CATSPERB: variants seen among roughly 807,000 people sequenced by gnomAD.
CATSPERB encodes the protein cation channel sperm-associated auxiliary subunit beta.
Under a neutral mutation model 128.3 loss-of-function variants are expected in CATSPERB, and 93 were observed. The observed-to-expected ratio is 0.72, with a 90% CI of 0.61 to 0.86. The LOEUF (loss-of-function observed/expected upper bound fraction) is 0.86. Ranked by LOEUF, CATSPERB falls within the 40% of genes least tolerant of loss-of-function variation. CATSPERB has a pLI of 0.00. For missense variants in CATSPERB, 1,153 were observed against 1,329.5 expected (o/e 0.87, Z 2.06); for synonymous variants, 381 against 448.8 (o/e 0.85, Z 1.91).
intron 11 of CATSPERB, among the ~76,000 whole-genome samples, chr14:91,682,070 G>T (rs1895290689): frequency 6.6e-6 from 1 of 152,138 alleles, no homozygotes; most frequent in Non-Finnish European, 1.5e-5. Flanking sequence ...CTCCAGAATA[G>T]AACAGACTGC....
rs545183199 is a variant in CATSPERB at position 91,638,987 on chromosome 14, T to A, written c.1587+109A>T. ...AGTTAAATAGAGCAAACTGCATTAATGAGTTTGTCCCAAGGAAAATACTTT... is the reference window on the plus strand; with the variant it reads ...AGTTAAATAGAGCAAACTGCATTAAAGAGTTTGTCCCAAGGAAAATACTTT... On this transcript the variant is annotated intron_variant, in intron 16 of 26. Transcript: ENST00000256343. 42 of 946,298 alleles carry A rather than the reference T, an allele frequency of 4.4e-5. 1 individual carries two copies. The South Asian group carries it at 6.6e-4, about 15-fold the overall frequency. 58.6% of individuals were successfully genotyped at this position (946,298 alleles called of 1,614,324 possible).
intron 14 of CATSPERB, among the ~76,000 whole-genome samples, chr14:91,663,842 T>C (rs1480429963): frequency 2.6e-5 from 4 of 152,132 alleles, no homozygotes; most frequent in Admixed American, 6.5e-5. Context: ...TACAGTTCAG[T>C]AGTGTTACGT....
chr14:91,622,006 C>T, intron 18 of CATSPERB, 69 bp from the exon 19 acceptor site: 3 of 1,013,816 alleles, frequency 3.0e-6, no homozygotes, highest in South Asian at 1.7e-5. Flanking sequence ...AACTGATGTA[C>T]ATAGCTAACA....
chr14:91,610,413 T>A, intron 21 of CATSPERB, 67 bp downstream of exon 21: 1 of 1,267,776 alleles, frequency 7.9e-7, no homozygotes, highest in Admixed American at 2.0e-5. Flanking sequence ...ACTGAATGGG[T>A]AGGCAATCAC....
intron 14 of CATSPERB, among the ~76,000 whole-genome samples, chr14:91,664,987 T>G (rs982741363): frequency 2.0e-5 from 3 of 152,156 alleles, no homozygotes; most frequent in Admixed American, 2.0e-4. Context: ...CCTCCCAGGC[T>G]CAAGGAAACC....
At position 91,598,856 on chromosome 14, in the gene CATSPERB, T is replaced by TTA. The variant is rs1893558293; in HGVS notation, c.2710-6855_2710-6854insTA. Among the ~76,000 whole-genome samples the TTA allele has an allele frequency of 7.7e-4, 9 of 11,704 alleles. No individual in the cohort carries two copies. In the East Asian group the frequency reaches 0.026, roughly 34 times the overall value. The allele number at this position is 11,704 out of a possible 152,430, so 7.7% of individuals were successfully genotyped here. ...CTGGGCAACAGAGCAAGACTCTGTC[T>TTA]CAAAAAAAAAAAAAAAAAAAGGAAA... On this transcript the variant is annotated intron_variant, in intron 22 of 26. Transcript: ENST00000256343.
rs760788851 is a variant in CATSPERB at position 91,610,466 on chromosome 14, A to AT, written c.2598+13dup. 28,971 of 1,013,204 alleles carry AT rather than the reference A, an allele frequency of 0.029. No individual in the cohort carries two copies. The highest frequency in any genetic ancestry group is 0.036 in the South Asian group (1,963 of 53,972). The allele number at this position is 1,013,204 out of a possible 1,614,324, so 62.8% of individuals were successfully genotyped here. A position where few individuals can be genotyped will look rare whatever the true frequency, so the allele number is the denominator to read the frequency against. Reference sequence around the variant, plus strand: ...TTGCTTCTTAAACCAATATACTTAGATTTTTTTTTTTACCGGCAAAGTTTT... The same window carrying AT: ...TTGCTTCTTAAACCAATATACTTAGATTTTTTTTTTTTACCGGCAAAGTTTT... On this transcript the variant is annotated intron_variant, in intron 21 of 26. Coordinates refer to ENST00000256343, the MANE Select transcript of CATSPERB (RefSeq NM_024764.4).
intron 10 of CATSPERB, among the ~76,000 whole-genome samples, chr14:91,690,819 T>C (rs1339050562): frequency 2.0e-5 from 3 of 152,240 alleles, no homozygotes; most frequent in Non-Finnish European, 2.9e-5. Flanking sequence ...GCAGATTCAG[T>C]GCCTGGCGAG....
rs182382293 is a variant in CATSPERB, at chr14:91,615,982, C to T, written c.2400+1615G>A. Among the ~76,000 whole-genome samples, 6 of 150,720 alleles carry T rather than the reference C, an allele frequency of 4.0e-5. No individual in the cohort carries two copies. The East Asian group carries it at 6.0e-4, about 15-fold the overall frequency. ...GCAACTTCCGCCTCCCGTGGTCAAG[C>T]GATTCTCCTGCCTCAGCCTCCCGAG... On this transcript the variant is annotated intron_variant, in intron 20 of 26. Transcript: ENST00000256343.
chr14:91,581,143 A>C, intron 26 of CATSPERB, 36 bp from the exon 27 acceptor site: 1 of 1,536,440 alleles, frequency 6.5e-7, no homozygotes, highest in Non-Finnish European at 8.9e-7. Context: ...AAGCTTTCTG[A>C]ATTTAGCAAT....
intron 4 of CATSPERB, among the ~76,000 whole-genome samples, chr14:91,722,168 C>T (rs961896704): frequency 6.6e-6 from 1 of 152,182 alleles, no homozygotes; most frequent in African/African-American, 2.4e-5. Context: ...ATCATATGAT[C>T]CATCAATTCC....
intron 15 of CATSPERB, among the ~76,000 whole-genome samples, chr14:91,655,377 G>A (rs1229420646): frequency 1.3e-5 from 2 of 152,238 alleles, no homozygotes; most frequent in East Asian, 3.8e-4. Context: ...ACAGAGATAT[G>A]TGACCTTTCA....
chr14:91,621,253 A>G lies in CATSPERB; in HGVS notation c.2260+355T>C, dbSNP rs1894036085. ...CCTGTCTCTACTAAAAATACAAAAAACTAGCCGGGAGTGGTGTACACTTGT... is the reference window on the plus strand; with the variant it reads ...CCTGTCTCTACTAAAAATACAAAAAGCTAGCCGGGAGTGGTGTACACTTGT... On this transcript the variant is annotated intron_variant, in intron 19 of 26. Transcript: ENST00000256343. 2.0e-5 allele frequency among the ~76,000 whole-genome samples: 3 copies of G among 152,008 alleles called. No homozygotes were observed. The South Asian group carries it at 6.2e-4, about 32-fold the overall frequency.
intron 5 of CATSPERB, among the ~76,000 whole-genome samples, chr14:91,711,225 C>T (rs1365407549): frequency 6.6e-6 from 1 of 151,978 alleles, no homozygotes; most frequent in Non-Finnish European, 1.5e-5. Flanking sequence ...CACTGATGCA[C>T]TGGTTTTATT....
At chr14:91,669,782 C>G (rs3742652) in intron 14 of CATSPERB, 32 bp downstream of exon 14, 150,366 of 1,585,988 alleles carry the variant, frequency 0.095, 7,712 homozygotes, top group Non-Finnish European at 0.1. Flanking sequence ...TGATTTAACT[C>G]TAACACAGAC....
At chr14:91,624,641 C>CA (rs372213358) in intron 18 of CATSPERB, among the ~76,000 whole-genome samples, 179 bp downstream of exon 18, 1,616 of 80,672 alleles carry the variant, frequency 0.02, 32 homozygotes, top group Admixed American at 0.096. Context: ...ACTCCATTGC[C>CA]AAAAAAAAAA....
chr14:91,660,495 GTTATA>G (rs1378989480), intron 14 of CATSPERB, among the ~76,000 whole-genome samples: 2 of 152,118 alleles, frequency 1.3e-5, no homozygotes, highest in African/African-American at 4.8e-5. Flanking sequence ...TCACTGTATA[GTTATA>G]TTAGTTTATT....
chr14:91,664,796 G>A (rs184074736), intron 14 of CATSPERB, among the ~76,000 whole-genome samples: 381 of 152,160 alleles, frequency 2.5e-3, no homozygotes, highest in Non-Finnish European at 4.1e-3. Flanking sequence ...TCAACTGTTC[G>A]TTCTGTTTCT....
At chr14:91,626,962 G>T (rs1326610746) in intron 17 of CATSPERB, among the ~76,000 whole-genome samples, 27 of 152,120 alleles carry the variant, frequency 1.8e-4, no homozygotes, top group Admixed American at 1.8e-3. Flanking sequence ...TAAAACAGTG[G>T]ATTACATGAA....
Sources: gnomAD v4.1 joint callset for allele counts (sites outside exome capture counted in the v4.1 genomes callset) on GRCh38, gnomAD v4.1.1 for gene constraint, MANE v1.5 for transcripts, NCBI Gene and HGNC (gene_info 2026-07-23, HGNC 2026-07-21) for gene names.